TDRD9: variants seen among roughly 807,000 people sequenced by gnomAD.
The protein encoded by TDRD9 is ATP-dependent RNA helicase TDRD9.
TDRD9 carries 124 observed loss-of-function variants against 172.6 expected under a neutral mutation model. That is an observed-to-expected ratio of 0.72 (90% CI 0.62 to 0.83). The LOEUF is 0.83. Among genes scored for constraint, TDRD9 ranks in the 40% least tolerant of loss-of-function variants. The pLI is 0.00. For missense variants in TDRD9, 1,479 were observed against 1,714.1 expected (o/e 0.86, Z 2.42); for synonymous variants, 619 against 617.1 (o/e 1.00, Z -0.05).
At chr14:103,955,807 A>T (rs1267677370) in intron 2 of TDRD9, 37 bp downstream of exon 2, 2 of 1,495,114 alleles carry the variant, frequency 1.3e-6, no homozygotes, top group Non-Finnish European at 9.1e-7. Flanking sequence ...GATAGGATGC[A>T]TGAGTGGTTC....
chr14:103,957,534 A>G (rs1226001801), intron 2 of TDRD9, among the ~76,000 whole-genome samples: 1 of 152,362 alleles, frequency 6.6e-6, no homozygotes, highest in Admixed American at 6.5e-5. Context: ...TTGAATTGTT[A>G]CTTAATCTAT....
At chr14:103,953,451 G>T (rs2032045186) in intron 1 of TDRD9, among the ~76,000 whole-genome samples, 1 of 152,026 alleles carries the variant, frequency 6.6e-6, no homozygotes, top group Admixed American at 6.6e-5. Flanking sequence ...TTTTATTAAA[G>T]TGTATTAGAC....
chr14:104,048,849 C>T (rs1467765715), intron 34 of TDRD9, among the ~76,000 whole-genome samples: 1 of 152,160 alleles, frequency 6.6e-6, no homozygotes, highest in African/African-American at 2.4e-5. Flanking sequence ...TGACAATGCT[C>T]CAAGTCAAGG....
At chr14:103,973,235 C>A (rs2033107143) in intron 6 of TDRD9, among the ~76,000 whole-genome samples, 2 of 152,054 alleles carry the variant, frequency 1.3e-5, no homozygotes. Flanking sequence ...AAATTAGACA[C>A]CATATTCTAG....
intron 7 of TDRD9, among the ~76,000 whole-genome samples, chr14:103,976,780 G>T (rs2887389): frequency 0.43 from 65,693 of 151,984 alleles, 14,433 homozygotes; most frequent in Admixed American, 0.51. Flanking sequence ...TATACTAATT[G>T]ACATTCCTAC....
At position 104,042,057 on chromosome 14, in the gene TDRD9, G is replaced by A. The variant is rs764533402; in HGVS notation, c.3856-12G>A. On this transcript the variant is annotated splice_polypyrimidine_tract_variant and intron_variant, in intron 33 of 35. Coordinates refer to ENST00000409874, the MANE Select transcript of TDRD9 (RefSeq NM_153046.3). ...GAGCCTTATGAGTGTTTATGTTGCT[G>A]TTCATTTACAGGTTAATATTCTCAG... The A allele has an allele frequency of 2.6e-6, 4 of 1,527,712 alleles. No homozygotes were observed. Among genetic ancestry groups the A allele is most frequent in the African/African-American group, 2.7e-5 (2 of 73,366 alleles). The allele number at this position is 1,527,712 out of a possible 1,614,324, so 94.6% of individuals were successfully genotyped here.
chr14:104,051,240 G>A (rs1328337878), intron 35 of TDRD9, among the ~76,000 whole-genome samples: 1 of 152,108 alleles, frequency 6.6e-6, no homozygotes, highest in African/African-American at 2.4e-5. Flanking sequence ...GCATCAATTC[G>A]CTTAAGGTAA....
At chr14:103,954,104 G>A (rs1054223640) in intron 1 of TDRD9, among the ~76,000 whole-genome samples, 2 of 152,202 alleles carry the variant, frequency 1.3e-5, no homozygotes, top group Non-Finnish European at 1.5e-5. Flanking sequence ...GGAAAACATA[G>A]TTGATAGCAT....
chr14:103,984,217 A>T (rs894976224), intron 7 of TDRD9, among the ~76,000 whole-genome samples: 4 of 152,238 alleles, frequency 2.6e-5, no homozygotes, highest in Non-Finnish European at 4.4e-5. Context: ...GGAGAAGTTC[A>T]AGTCAGCTGC....
At chr14:103,987,377 C>T (rs1030470494) in intron 8 of TDRD9, among the ~76,000 whole-genome samples, 9 of 152,068 alleles carry the variant, frequency 5.9e-5, no homozygotes, top group African/African-American at 2.2e-4. Flanking sequence ...CTGGATGTAC[C>T]TTGTTCATTC....
chr14:103,962,994 A>C, intron 2 of TDRD9, 85 bp from the exon 3 acceptor site: 1 of 382,858 alleles, frequency 2.6e-6, no homozygotes. Flanking sequence ...GTGTGTGTGT[A>C]TGCTGTATCT....
intron 34 of TDRD9, among the ~76,000 whole-genome samples, chr14:104,043,903 TTG>T (rs2035684411): frequency 6.6e-6 from 1 of 152,174 alleles, no homozygotes; most frequent in Non-Finnish European, 1.5e-5. Context: ...AGAACAGGCC[TTG>T]GGCCTGAAAC....
rs773037929 is a variant in TDRD9 at position 103,991,218 on chromosome 14, T to C, written c.1174T>C (p.Leu392=). Reference sequence around the variant, plus strand: ...GGAGCGAAGCAGTGTGTTGGTGTTTTTGCCAGGTAAGAACATCATAATTTT... The same window carrying C: ...GGAGCGAAGCAGTGTGTTGGTGTTTCTGCCAGGTAAGAACATCATAATTTT... The part of the protein sequence containing the change: ...VLERSSVLVF[L]PGLGEINYMH... The change falls in exon 9 of 36, where the codon TTG becomes CTG. Residue 392 remains leucine, a synonymous_variant. Coordinates refer to ENST00000409874, the MANE Select transcript of TDRD9 (RefSeq NM_153046.3). 1.2e-6 allele frequency: 2 copies of C among 1,614,000 alleles called. No homozygotes were observed. Among genetic ancestry groups the C allele is most frequent in the Non-Finnish European group, 1.7e-6 (2 of 1,179,892 alleles).
Position 104,006,678 on chromosome 14 carries a change from A to G in TDRD9, c.1912A>G (p.Met638Val), listed in dbSNP as rs776069822. Residue 638 changes from methionine to valine, a missense_variant, in exon 17 of 36, where the codon ATG (methionine) becomes GTG (valine). Physicochemically the swap from Met to Val is conservative, Grantham distance 21. Transcript: ENST00000409874. ...TCTTTCTTTGAAGAATTTTTTTGCAATGCCTTTCCGGCAGCATCTCGATGG... is the reference window on the plus strand; with the variant it reads ...TCTTTCTTTGAAGAATTTTTTTGCAGTGCCTTTCCGGCAGCATCTCGATGG... ...AALSLKNFFA[M>V]PFRQHLDGYR... 5.0e-6 allele frequency: 8 copies of G among 1,613,894 alleles called. No homozygotes were observed. The highest frequency in any genetic ancestry group is 3.3e-5 in the Admixed American group (2 of 60,018).
At chr14:104,028,642 A>G (rs1447674805) in intron 28 of TDRD9, among the ~76,000 whole-genome samples, 1 of 152,094 alleles carries the variant, frequency 6.6e-6, no homozygotes, top group African/African-American at 2.4e-5. Context: ...TTGTCTCTTC[A>G]TTTTGTTGAT....
intron 1 of TDRD9, among the ~76,000 whole-genome samples, chr14:103,952,767 C>T (rs543518612): frequency 1.2e-3 from 124 of 105,426 alleles, no homozygotes; most frequent in Non-Finnish European, 1.5e-3. Flanking sequence ...AAGACAGAGT[C>T]TCACTCTGTC....
intron 23 of TDRD9, 127 bp from the exon 24 acceptor site, chr14:104,022,030 A>G: frequency 1.4e-6 from 1 of 690,536 alleles, no homozygotes. Context: ...TTGATTAATT[A>G]TAAATTGAAG....
chr14:104,011,170 A>G (rs988521939), intron 20 of TDRD9, among the ~76,000 whole-genome samples: 3 of 152,226 alleles, frequency 2.0e-5, no homozygotes, highest in African/African-American at 7.2e-5. Context: ...TGACTTATAC[A>G]TGAATACATG....
intron 1 of TDRD9, among the ~76,000 whole-genome samples, chr14:103,934,587 G>T (rs1306593935): frequency 6.6e-6 from 1 of 152,180 alleles, no homozygotes; most frequent in Admixed American, 6.5e-5. Context: ...GACCATCCTG[G>T]CTAATACAGT....
Sources: allele counts gnomAD v4.1 joint callset (sites outside exome capture counted in the v4.1 genomes callset), GRCh38; gene constraint gnomAD v4.1.1; transcripts MANE v1.5; gene names NCBI Gene and HGNC (gene_info 2026-07-23, HGNC 2026-07-21).